Variants in ZNRF3 observed in about 807,000 individuals in gnomAD.
ZNRF3 encodes the protein E3 ubiquitin-protein ligase ZNRF3.
In ZNRF3, 23 loss-of-function variants were observed where a neutral mutation model predicts 72.5. The observed-to-expected ratio is 0.32, with a 90% CI of 0.23 to 0.45. The LOEUF is 0.45. Ranked by LOEUF, ZNRF3 falls within the 20% of genes least tolerant of loss-of-function variation. ZNRF3 has a pLI of 1.00. For synonymous variants in ZNRF3, 610 were observed against 545.3 expected (o/e 1.12, Z -1.65); for missense variants, 1,169 against 1,272.1 (o/e 0.92, Z 1.23).
At chr22:28,938,563 G>A (rs1414419553) in intron 1 of ZNRF3, among the ~76,000 whole-genome samples, 1 of 152,140 alleles carries the variant, frequency 6.6e-6, no homozygotes, top group Non-Finnish European at 1.5e-5. Context: ...GAGGTTAAGT[G>A]AGCAAAAACT....
chr22:28,995,172 G>A (rs1209000498), intron 2 of ZNRF3, among the ~76,000 whole-genome samples: 4 of 152,212 alleles, frequency 2.6e-5, no homozygotes, highest in Non-Finnish European at 5.9e-5. Flanking sequence ...GGTGGCTCAC[G>A]CCTGTAATCC....
chr22:29,010,177 G>A (rs913470301), intron 2 of ZNRF3, among the ~76,000 whole-genome samples: 13 of 151,990 alleles, frequency 8.6e-5, no homozygotes, highest in African/African-American at 2.9e-4. Context: ...CCAAAGTGCT[G>A]GGATTACAGA....
chr22:29,053,879 T>C lies in ZNRF3; in HGVS notation c.*257T>C, dbSNP rs903704189. On this transcript the variant is annotated 3_prime_UTR_variant, in exon 9 of 9. Coordinates refer to ENST00000544604, the MANE Select transcript of ZNRF3 (RefSeq NM_001206998.2). ...ACATGTTGTTCTGTTTTGTAAAGTG[T>C]GTGTGCTTGGGGTTCCGAGGTGTGG... The C allele has an allele frequency of 5.6e-6, 2 of 358,526 alleles. No homozygotes were observed. The highest frequency in any genetic ancestry group is 1.0e-5 in the Non-Finnish European group (2 of 199,758). The allele number at this position is 358,526 out of a possible 1,614,324, so 22.2% of individuals were successfully genotyped here.
intron 2 of ZNRF3, among the ~76,000 whole-genome samples, chr22:28,995,286 T>C (rs565721493): frequency 6.6e-6 from 1 of 151,976 alleles, no homozygotes; most frequent in Admixed American, 6.6e-5. Context: ...ACAAAAAAAT[T>C]AGCCTGGTGT....
chr22:28,924,741 A>G (rs896338357), intron 1 of ZNRF3, among the ~76,000 whole-genome samples: 2 of 151,992 alleles, frequency 1.3e-5, no homozygotes, highest in African/African-American at 4.8e-5. Flanking sequence ...TGTCTCTAAA[A>G]AATAATAATA....
intron 1 of ZNRF3, among the ~76,000 whole-genome samples, chr22:28,912,380 C>A (rs1569243173): frequency 1.3e-5 from 2 of 152,128 alleles, no homozygotes; most frequent in Admixed American, 6.6e-5. Context: ...CCTTTATTCC[C>A]TTCTGCTTAA....
chr22:28,989,268 G>C (rs1193222604), intron 2 of ZNRF3, among the ~76,000 whole-genome samples: 1 of 152,146 alleles, frequency 6.6e-6, no homozygotes, highest in Non-Finnish European at 1.5e-5. Context: ...CATTAGCACA[G>C]AAGCTTGGGC....
chr22:29,031,629 G>A, intron 2 of ZNRF3: 6 of 985,408 alleles, frequency 6.1e-6, no homozygotes, highest in Non-Finnish European at 7.2e-6. Flanking sequence ...GAAAAAGTGA[G>A]GAGTAAGGAT....
intron 1 of ZNRF3, among the ~76,000 whole-genome samples, chr22:28,944,941 A>C (rs71327330): frequency 0.11 from 15,964 of 148,664 alleles, 1,124 homozygotes; most frequent in South Asian, 0.2. Flanking sequence ...AAATAAATAA[A>C]TAAATAAATA....
In ZNRF3 at chr22:29,049,594, C is replaced by G. The variant is rs930527481; in HGVS notation, c.1413C>G (p.His471Gln). The G allele has an allele frequency of 6.2e-7, 1 of 1,609,136 alleles. No individual in the cohort carries two copies. The highest frequency in any genetic ancestry group is 2.2e-5 in the East Asian group (1 of 44,824). The stretch of plus-strand genomic sequence containing the variant: ...CCCAGTATGAGACCATGTACCAGCA[C>G]TACTACTTCCAGGGCCTCAGCTACC... ...CFSQYETMYQHYYFQGLSYPE... is the reference protein window; with the variant it reads ...CFSQYETMYQQYYFQGLSYPE... Residue 471 changes from histidine (H) to glutamine (Q), a missense_variant, in exon 8 of 9, where the codon CAC (histidine) becomes CAG (glutamine). By Grantham distance (24) the His-to-Gln change is conservative (BLOSUM62 0). Coordinates refer to ENST00000544604, the MANE Select transcript of ZNRF3 (RefSeq NM_001206998.2). This position sits in a 1 kb window ranked among gnomAD's most constrained non-coding sequence, Gnocchi z 5.2.
In ZNRF3 at chr22:29,001,059, CT is replaced by C. The variant is rs773296494; in HGVS notation, c.426+13885del. 7.7e-3 allele frequency among the ~76,000 whole-genome samples: 602 copies of C among 77,932 alleles called. 1 individual carries two copies. Among genetic ancestry groups the C allele is most frequent in the African/African-American group, 0.02 (428 of 21,770 alleles). 51.1% of individuals were successfully genotyped at this position (77,932 alleles called of 152,430 possible). On this transcript the variant is annotated intron_variant, in intron 2 of 8. Transcript: ENST00000544604. ...CTGCCTTGGCCTCCCAAAGCTTTGC[CT>C]TTTTTTTTTTTTTTTTTTTTTTTTT...
At chr22:28,907,645 C>T (rs2034236969) in intron 1 of ZNRF3, among the ~76,000 whole-genome samples, 1 of 152,192 alleles carries the variant, frequency 6.6e-6, no homozygotes, top group African/African-American at 2.4e-5. Flanking sequence ...GCTTTTTTCT[C>T]TGCAGAGTTT....
chr22:29,002,643 G>T (rs960239580), intron 2 of ZNRF3, among the ~76,000 whole-genome samples: 2 of 152,158 alleles, frequency 1.3e-5, no homozygotes, highest in Non-Finnish European at 2.9e-5. Flanking sequence ...CTAACTGATG[G>T]CCAGGCCCTT....
intron 1 of ZNRF3, among the ~76,000 whole-genome samples, chr22:28,887,508 A>G (rs1334491624): frequency 6.6e-6 from 1 of 152,164 alleles, no homozygotes; most frequent in Non-Finnish European, 1.5e-5. Flanking sequence ...TTTAGGCTTA[A>G]ATAACTATCC....
chr22:28,941,665 G>A (rs150371170), intron 1 of ZNRF3, among the ~76,000 whole-genome samples: 8 of 152,204 alleles, frequency 5.3e-5, no homozygotes, highest in East Asian at 3.9e-4. Context: ...CCTGTAATCC[G>A]AGCACTTTGG....
chr22:28,883,650 A>AGCCGCCGCC lies in ZNRF3; in HGVS notation c.-106_-98dup, dbSNP rs957847969. ...GCCGAGCTGAGCCTGCGACCCACAAAGCCGCCGCCGCCGCCGCCGTGATGG... is the reference window on the plus strand; with the variant it reads ...GCCGAGCTGAGCCTGCGACCCACAAAGCCGCCGCCGCCGCCGCCGCCGCCGCCGTGATGG... On this transcript the variant is annotated 5_prime_UTR_variant, in exon 1 of 9. Coordinates refer to ENST00000544604, the MANE Select transcript of ZNRF3 (RefSeq NM_001206998.2). This position sits in a 1 kb window ranked among gnomAD's most constrained non-coding sequence, Gnocchi z 5.5. 11 of 954,624 alleles carry AGCCGCCGCC rather than the reference A, an allele frequency of 1.2e-5. No individual in the cohort carries two copies. Among genetic ancestry groups the AGCCGCCGCC allele is most frequent in the South Asian group, 4.7e-5 (1 of 21,414 alleles). The allele number at this position is 954,624 out of a possible 1,614,324, so 59.1% of individuals were successfully genotyped here.
chr22:29,043,485 C>A, intron 4 of ZNRF3, 55 bp downstream of exon 4: 2 of 1,588,818 alleles, frequency 1.3e-6, no homozygotes, highest in South Asian at 1.1e-5. Context: ...TACTACCTGT[C>A]CCTTTATTTC....
intron 1 of ZNRF3, among the ~76,000 whole-genome samples, chr22:28,934,776 C>G (rs1298242197): frequency 6.7e-6 from 1 of 150,024 alleles, no homozygotes; most frequent in Non-Finnish European, 1.5e-5. Flanking sequence ...CGAGATAGTG[C>G]CACTGCACTC....
intron 1 of ZNRF3, among the ~76,000 whole-genome samples, chr22:28,907,281 C>T: frequency 6.6e-6 from 1 of 152,072 alleles, no homozygotes; most frequent in Non-Finnish European, 1.5e-5. Context: ...GCATGAGCCA[C>T]CGTGCCTGGC....
Sources: gnomAD v4.1 joint callset for allele counts (sites outside exome capture counted in the v4.1 genomes callset) on GRCh38, gnomAD v4.1.1 for gene constraint, Gnocchi (gnomAD v3.1) non-coding constraint, MANE v1.5 for transcripts, NCBI Gene and HGNC (gene_info 2026-07-23, HGNC 2026-07-21) for gene names.